CAMTA1: variants seen among roughly 807,000 people sequenced by gnomAD.
CAMTA1 encodes the protein calmodulin binding transcription activator 1, also known as calmodulin-binding transcription activator 1.
A neutral mutation model predicts 170.9 loss-of-function variants in CAMTA1; 27 were observed. That is an observed-to-expected ratio of 0.16 (90% CI 0.12 to 0.22). The LOEUF is 0.22. Among genes scored for constraint, CAMTA1 ranks in the 10% least tolerant of loss-of-function variants. CAMTA1 has a pLI of 1.00. For missense variants in CAMTA1, 1,619 were observed against 2,217.2 expected, an observed-to-expected ratio of 0.73 and a Z score of 5.42; for synonymous variants, 833 against 891.5, an observed-to-expected ratio of 0.93 and a Z score of 1.17.
chr1:6,835,774 C>T (rs749089516), intron 3 of CAMTA1, among the ~76,000 whole-genome samples: 1 of 152,174 alleles, frequency 6.6e-6, no homozygotes, highest in African/African-American at 2.4e-5. Context: ...GCTTTTTTCT[C>T]ATGTCTTTAG....
intron 5 of CAMTA1, among the ~76,000 whole-genome samples, chr1:7,437,154 C>T (rs920997265): frequency 6.6e-6 from 1 of 152,134 alleles, no homozygotes; most frequent in African/African-American, 2.4e-5. Flanking sequence ...CTATCCTCCC[C>T]GGATGCCTGG....
At chr1:7,048,565 C>T (rs78446691) in intron 3 of CAMTA1, among the ~76,000 whole-genome samples, 2,785 of 152,278 alleles carry the variant, frequency 0.018, 78 homozygotes, top group African/African-American at 0.064. Context: ...CAGCACCTGC[C>T]GAGTGAGCAG....
intron 3 of CAMTA1, among the ~76,000 whole-genome samples, chr1:6,880,728 T>C (rs1671322517): frequency 6.6e-6 from 1 of 152,184 alleles, no homozygotes; most frequent in African/African-American, 2.4e-5. Context: ...CTGTCTGATA[T>C]CTGTATGATC....
At chr1:6,935,576 A>G (rs557976982) in intron 3 of CAMTA1, among the ~76,000 whole-genome samples, 25 of 152,236 alleles carry the variant, frequency 1.6e-4, no homozygotes. Flanking sequence ...GATCTCCTCC[A>G]GACCCAGCTG....
chr1:7,030,142 G>T (rs1702589468), intron 3 of CAMTA1, among the ~76,000 whole-genome samples: 1 of 152,192 alleles, frequency 6.6e-6, no homozygotes, highest in African/African-American at 2.4e-5. Context: ...TACTTTCTTA[G>T]ATGTTAGTTG....
rs150175539 is a variant in CAMTA1 at position 7,428,858 on chromosome 1, G to A, written c.439-38972G>A. On this transcript the variant is annotated intron_variant, in intron 5 of 22. Transcript: ENST00000303635. Reference sequence around the variant, plus strand: ...GCGTCTGATTCCTGCAGCTAGCACCGGTGCCTGGCACCACTGTAAGGGCTC... The same window carrying A: ...GCGTCTGATTCCTGCAGCTAGCACCAGTGCCTGGCACCACTGTAAGGGCTC... Among the ~76,000 whole-genome samples the A allele has an allele frequency of 2.2e-4, 34 of 152,274 alleles. No homozygotes were observed. In the East Asian group the frequency reaches 4.3e-3, roughly 19 times the overall value.
At chr1:6,953,390 G>A (rs976376839) in intron 3 of CAMTA1, among the ~76,000 whole-genome samples, 2 of 152,254 alleles carry the variant, frequency 1.3e-5, no homozygotes, top group African/African-American at 4.8e-5. Context: ...GTTGGTCTTT[G>A]TTCTTTCTCG....
rs1415673856 is a variant in CAMTA1, at chr1:7,737,583, A to G, written c.3658+13A>G. The stretch of plus-strand genomic sequence containing the variant: ...AGCACCAACCCAGGTAAGAATTCAG[A>G]ATCATGACATCTCAGAGCTTGACAG... On this transcript the variant is annotated intron_variant, in intron 15 of 22. Transcript: ENST00000303635. The G allele has an allele frequency of 1.3e-6, 2 of 1,592,710 alleles. No homozygotes were observed. Among genetic ancestry groups the G allele is most frequent in the African/African-American group, 2.7e-5 (2 of 74,418 alleles).
chr1:7,170,018 C>T (rs1346984061), intron 4 of CAMTA1, among the ~76,000 whole-genome samples: 1 of 151,980 alleles, frequency 6.6e-6, no homozygotes, highest in Non-Finnish European at 1.5e-5. Flanking sequence ...GATTTGTTTC[C>T]TGTTTTGTGA....
chr1:7,254,725 T>G (rs1441908171), intron 5 of CAMTA1, among the ~76,000 whole-genome samples: 2 of 152,206 alleles, frequency 1.3e-5, no homozygotes. Flanking sequence ...GCATTAGGAA[T>G]TAACAGGGCA....
chr1:7,692,022 G>C (rs563604032), intron 11 of CAMTA1, among the ~76,000 whole-genome samples: 6 of 152,042 alleles, frequency 3.9e-5, no homozygotes, highest in East Asian at 3.9e-4. Flanking sequence ...AGATGGCCTA[G>C]TGGTATCTTC....
At chr1:7,128,301 G>T (rs1383408926) in intron 4 of CAMTA1, among the ~76,000 whole-genome samples, 1 of 152,168 alleles carries the variant, frequency 6.6e-6, no homozygotes, top group African/African-American at 2.4e-5. Context: ...CATGTGCTGG[G>T]TCCTGTGAGT....
At chr1:6,888,817 T>C (rs1029682186) in intron 3 of CAMTA1, among the ~76,000 whole-genome samples, 4 of 152,078 alleles carry the variant, frequency 2.6e-5, no homozygotes, top group East Asian at 1.9e-4. Flanking sequence ...GTTTTTCTTT[T>C]TTTCTTTCTT....
intron 3 of CAMTA1, among the ~76,000 whole-genome samples, chr1:6,835,752 G>T (rs1463990593): frequency 1.3e-5 from 2 of 152,170 alleles, no homozygotes; most frequent in Admixed American, 1.3e-4. Flanking sequence ...GGTTACAGTT[G>T]AGCTTTCTAG....
intron 5 of CAMTA1, among the ~76,000 whole-genome samples, chr1:7,274,428 C>T (rs1317810766): frequency 6.6e-6 from 1 of 152,172 alleles, no homozygotes; most frequent in African/African-American, 2.4e-5. Flanking sequence ...GTCTATGCAC[C>T]TAATTACACA....
chr1:7,186,438 G>A (rs1019275846), intron 4 of CAMTA1, among the ~76,000 whole-genome samples: 3 of 152,216 alleles, frequency 2.0e-5, no homozygotes, highest in Admixed American at 2.0e-4. Context: ...TGATGATCAG[G>A]AGTGATGGCC....
chr1:7,570,079 T>C lies in CAMTA1; in HGVS notation c.511-70321T>C, dbSNP rs1351129335. Among the ~76,000 whole-genome samples the C allele has an allele frequency of 1.3e-5, 2 of 152,232 alleles. No homozygotes were observed. The highest frequency in any genetic ancestry group is 2.4e-5 in the African/African-American group (1 of 41,460). On this transcript the variant is annotated intron_variant, in intron 6 of 22. Coordinates refer to ENST00000303635, the MANE Select transcript of CAMTA1 (RefSeq NM_015215.4). This position sits in a 1 kb window ranked among gnomAD's most constrained non-coding sequence, Gnocchi z 4.3. ...CTTTTGCTTTGATCATTAGGGGTCC[T>C]GGGAGGCCTTGGGGCCGTCTTGCTT... is the stretch of plus-strand genomic sequence containing the variant.
chr1:7,743,287 A>T (rs2096831653), intron 16 of CAMTA1, among the ~76,000 whole-genome samples: 1 of 152,166 alleles, frequency 6.6e-6, no homozygotes, highest in African/African-American at 2.4e-5. Context: ...GTATGATAAA[A>T]AATTTATAAA....
chr1:7,668,067 C>T (rs957821823), intron 9 of CAMTA1, among the ~76,000 whole-genome samples: 2 of 152,294 alleles, frequency 1.3e-5, no homozygotes, highest in East Asian at 1.9e-4. Flanking sequence ...GTCTGGCCCT[C>T]GTCCTGTCCC....
Sources: allele counts gnomAD v4.1 joint callset (sites outside exome capture counted in the v4.1 genomes callset), GRCh38; gene constraint gnomAD v4.1.1; non-coding constraint Gnocchi (gnomAD v3.1); transcripts MANE v1.5; gene names NCBI Gene and HGNC (gene_info 2026-07-23, HGNC 2026-07-21).